Variants in SLIT2 observed in about 807,000 individuals in gnomAD.
The protein encoded by SLIT2 is slit guidance ligand 2, also known as slit homolog 2 protein.
Under a neutral mutation model 185.7 loss-of-function variants are expected in SLIT2, and 41 were observed. That is an observed-to-expected ratio of 0.22 (90% CI 0.17 to 0.29). The LOEUF (loss-of-function observed/expected upper bound fraction) is 0.29. Among genes scored for constraint, SLIT2 ranks in the 10% least tolerant of loss-of-function variants. The pLI is 1.00. For synonymous variants in SLIT2, 693 were observed against 680.2 expected (o/e 1.02, Z -0.29); for missense variants, 1,571 against 1,909.0 (o/e 0.82, Z 3.30).
chr4:20,481,123 A>C (rs1407868790), intron 6 of SLIT2, among the ~76,000 whole-genome samples: 1 of 152,072 alleles, frequency 6.6e-6, no homozygotes, highest in Admixed American at 6.6e-5. Flanking sequence ...TTAGTAGCTG[A>C]TATCTTGGAA....
At chr4:20,261,347 A>G (rs931012675) in intron 3 of SLIT2, among the ~76,000 whole-genome samples, 74 of 152,032 alleles carry the variant, frequency 4.9e-4, no homozygotes, top group African/African-American at 1.8e-3. Context: ...TAGGAAGTAT[A>G]TTTCTTTTAT....
At chr4:20,574,972 A>G (rs1214027951) in intron 29 of SLIT2, among the ~76,000 whole-genome samples, 2 of 152,014 alleles carry the variant, frequency 1.3e-5, no homozygotes, top group African/African-American at 4.8e-5. Flanking sequence ...ACAGTATAAC[A>G]TGTGCTATTC....
At chr4:20,453,998 C>G (rs1020429285) in intron 4 of SLIT2, among the ~76,000 whole-genome samples, 2 of 152,190 alleles carry the variant, frequency 1.3e-5, no homozygotes, top group Non-Finnish European at 2.9e-5. Context: ...CACAGGAAGG[C>G]ATACGATCTT....
intron 5 of SLIT2, among the ~76,000 whole-genome samples, chr4:20,477,004 T>C (rs1716172575): frequency 1.3e-5 from 2 of 152,106 alleles, no homozygotes; most frequent in South Asian, 4.1e-4. Flanking sequence ...GCTTCAGAAC[T>C]TTTTGCACGT....
chr4:20,472,077 A>G (rs1715099519), intron 5 of SLIT2, among the ~76,000 whole-genome samples: 1 of 150,722 alleles, frequency 6.6e-6, no homozygotes, highest in Admixed American at 6.7e-5. Flanking sequence ...CACTGGTGGT[A>G]CATTTCTGTA....
chr4:20,553,315 T>G (rs185273368), intron 25 of SLIT2, among the ~76,000 whole-genome samples: 1 of 152,318 alleles, frequency 6.6e-6, no homozygotes, highest in Admixed American at 6.5e-5. Context: ...TTCTCCTACA[T>G]CACTTCTAAT....
chr4:20,519,815 G>A (rs1461273684), intron 12 of SLIT2, among the ~76,000 whole-genome samples: 2 of 151,634 alleles, frequency 1.3e-5, no homozygotes, highest in Admixed American at 6.6e-5. Context: ...GGTGGATCAC[G>A]AGGTCAGGAG....
At chr4:20,518,106 TATATAC>T (rs1200746411) in intron 11 of SLIT2, among the ~76,000 whole-genome samples, 1 of 145,258 alleles carries the variant, frequency 6.9e-6, no homozygotes, top group African/African-American at 2.5e-5. Context: ...CACACACATA[TATATAC>T]ATATACATAT....
At chr4:20,589,575 T>A in intron 29 of SLIT2, 69 bp from the exon 30 acceptor site, 3 of 1,171,172 alleles carry the variant, frequency 2.6e-6, no homozygotes, top group South Asian at 2.5e-5. Context: ...CCCATGACAA[T>A]GACACAGTCT....
At chr4:20,289,146 A>G (rs1213947781) in intron 4 of SLIT2, among the ~76,000 whole-genome samples, 1 of 152,224 alleles carries the variant, frequency 6.6e-6, no homozygotes, top group Non-Finnish European at 1.5e-5. Flanking sequence ...GTACTCTCCA[A>G]TTAAGAACTT....
At chr4:20,537,185 T>C (rs372135570) in intron 18 of SLIT2, among the ~76,000 whole-genome samples, 11 of 152,052 alleles carry the variant, frequency 7.2e-5, no homozygotes, top group African/African-American at 2.7e-4. Context: ...CATTATGGAG[T>C]ATTATGTGCT....
At chr4:20,332,184 A>C (rs184601999) in intron 4 of SLIT2, among the ~76,000 whole-genome samples, 170 of 152,268 alleles carry the variant, frequency 1.1e-3, no homozygotes, top group African/African-American at 4.0e-3. Flanking sequence ...TGTCATATAT[A>C]TGTGTGTTTG....
chr4:20,463,841 A>G (rs910752287), intron 4 of SLIT2, among the ~76,000 whole-genome samples: 2 of 149,130 alleles, frequency 1.3e-5, no homozygotes, highest in African/African-American at 5.0e-5. Context: ...GCGTCACTGC[A>G]CTCCAGCCTG....
At chr4:20,574,729 G>T (rs1247343224) in intron 29 of SLIT2, among the ~76,000 whole-genome samples, 8 of 149,046 alleles carry the variant, frequency 5.4e-5, no homozygotes, top group African/African-American at 2.0e-4. Flanking sequence ...AGAGGTTGCA[G>T]TGAGCCGAGA....
chr4:20,263,000 G>C (rs766437345), intron 3 of SLIT2, among the ~76,000 whole-genome samples: 4 of 151,766 alleles, frequency 2.6e-5, no homozygotes, highest in Non-Finnish European at 4.4e-5. Flanking sequence ...TTGTGACAGT[G>C]TTTGCTGGAT....
At chr4:20,380,490 A>G (rs1364665325) in intron 4 of SLIT2, among the ~76,000 whole-genome samples, 1 of 152,176 alleles carries the variant, frequency 6.6e-6, no homozygotes, top group Non-Finnish European at 1.5e-5. Context: ...ATAGAAGAAT[A>G]AGAGACAAAG....
chr4:20,317,662 C>T (rs1038144670), intron 4 of SLIT2, among the ~76,000 whole-genome samples: 1 of 151,972 alleles, frequency 6.6e-6, no homozygotes, highest in African/African-American at 2.4e-5. Flanking sequence ...TGTCAAGTAC[C>T]TCTAGCCTAG....
At chr4:20,558,871 C>A (rs1444139038) in intron 26 of SLIT2, among the ~76,000 whole-genome samples, 2 of 151,936 alleles carry the variant, frequency 1.3e-5, no homozygotes, top group Non-Finnish European at 2.9e-5. Flanking sequence ...AGAGCACTTA[C>A]AATATGGCTA....
chr4:20,493,067 G>C (rs577589784), intron 9 of SLIT2, among the ~76,000 whole-genome samples: 1 of 152,234 alleles, frequency 6.6e-6, no homozygotes, highest in East Asian at 1.9e-4. Flanking sequence ...ACATCTTTTA[G>C]TATTTTTTGG....
Sources: allele counts gnomAD v4.1 joint callset (sites outside exome capture counted in the v4.1 genomes callset), GRCh38; gene constraint gnomAD v4.1.1; transcripts MANE v1.5; gene names NCBI Gene and HGNC (gene_info 2026-07-23, HGNC 2026-07-21).